AADACL2: variants seen among roughly 807,000 people sequenced by gnomAD.
AADACL2 encodes the protein arylacetamide deacetylase-like 2.
Under a neutral mutation model 22.3 loss-of-function variants are expected in AADACL2, and 23 were observed. That is an observed-to-expected ratio of 1.03 (90% CI 0.74 to 1.46). AADACL2 has a LOEUF of 1.46. AADACL2 is among the 40% of genes most tolerant of loss of function. AADACL2 has a pLI of 0.00. For synonymous variants in AADACL2, 177 were observed against 166.2 expected (o/e 1.07, Z -0.50); for missense variants, 472 against 482.9 (o/e 0.98, Z 0.21).
At chr3:151,740,591 A>G in intron 1 of AADACL2, 55 bp from the exon 2 acceptor site, 1 of 1,136,670 alleles carries the variant, frequency 8.8e-7, no homozygotes, top group Non-Finnish European at 1.2e-6. Context: ...TTTTAAATAT[A>G]TTTGGTGTTA....
At chr3:151,751,440 C>T (rs570510338) in intron 4 of AADACL2, 4 of 152,244 alleles carry the variant, frequency 2.6e-5, no homozygotes, top group African/African-American at 9.6e-5. Context: ...TGTATTGGCT[C>T]ACCTCTGTAG....
In AADACL2 at chr3:151,734,015, G is replaced by A. The variant is rs377647189; in HGVS notation, c.-21G>A. ...AAAATTTTAATCTCAGTACTGTGAA[G>A]AAGCTGGAAAAAGGGATATTATGGG... is the stretch of plus-strand genomic sequence containing the variant. On this transcript the variant is annotated 5_prime_UTR_variant, in exon 1 of 5. Transcript: ENST00000356517. 1 of 1,588,846 alleles carries A rather than the reference G, an allele frequency of 6.3e-7. No homozygotes were observed. The highest frequency in any genetic ancestry group is 1.3e-5 in the African/African-American group (1 of 74,114).
intron 4 of AADACL2, among the ~76,000 whole-genome samples, chr3:151,755,854 C>T (rs1363549295): frequency 9.2e-5 from 14 of 152,026 alleles, no homozygotes; most frequent in Admixed American, 2.6e-4. Flanking sequence ...CTATTGATAG[C>T]AATCTTTGAT....
chr3:151,740,713 AT>A lies in AADACL2; in HGVS notation c.208del (p.Tyr70IlefsTer12). ...EEFISMIFRLDYTQPLSDEYI... is the reference protein window; with the variant it reads ...EEFISMIFRLXYTQPLSDEYI... ...TTTATATCCATGATATTCAGGCTGG[AT>A]TATACCCAACCACTTTCAGATGAAT... On this transcript the variant is annotated frameshift_variant, in exon 2 of 5. Transcript: ENST00000356517. LOFTEE classifies it high-confidence loss of function. 6.2e-7 allele frequency: 1 copy of A among 1,613,868 alleles called. No homozygotes were observed. The highest frequency in any genetic ancestry group is 8.5e-7 in the Non-Finnish European group (1 of 1,179,878).
chr3:151,754,437 C>T (rs1713800098), intron 4 of AADACL2, among the ~76,000 whole-genome samples: 1 of 152,038 alleles, frequency 6.6e-6, no homozygotes, highest in Non-Finnish European at 1.5e-5. Flanking sequence ...GAGATTCAAA[C>T]TGGGGGACTT....
intron 3 of AADACL2, among the ~76,000 whole-genome samples, chr3:151,745,156 C>T (rs867838064): frequency 2.8e-4 from 42 of 151,976 alleles, no homozygotes; most frequent in African/African-American, 9.6e-4. Flanking sequence ...TTTAAACAAG[C>T]ATTTTTAAAA....
At chr3:151,736,502 G>T (rs551276675) in intron 1 of AADACL2, among the ~76,000 whole-genome samples, 1 of 152,176 alleles carries the variant, frequency 6.6e-6, no homozygotes, top group African/African-American at 2.4e-5. Context: ...AGGCCCTGGT[G>T]CATGATGTTC....
At chr3:151,754,118 T>TC (rs1417270447) in intron 4 of AADACL2, among the ~76,000 whole-genome samples, 1 of 152,086 alleles carries the variant, frequency 6.6e-6, no homozygotes, top group African/African-American at 2.4e-5. Context: ...TCATGGATCA[T>TC]CCCTTCTCTG....
intron 4 of AADACL2, among the ~76,000 whole-genome samples, chr3:151,752,696 A>G (rs1576616973): frequency 1.3e-5 from 2 of 152,210 alleles, no homozygotes; most frequent in African/African-American, 4.8e-5. Context: ...TTTTACTTTC[A>G]TAAAACAATG....
At position 151,758,067 on chromosome 3, in the gene AADACL2, TA is replaced by T. The variant is rs1361631691; in HGVS notation, c.*476del. On this transcript the variant is annotated 3_prime_UTR_variant, in exon 5 of 5. Transcript: ENST00000356517. ...CAAATTACTACAAATTCAGTCGCTT[TA>T]AACAACAGATATTTATTCTTTTACA... 5 of 154,022 alleles carry T rather than the reference TA, an allele frequency of 3.2e-5. No individual in the cohort carries two copies. Among genetic ancestry groups the T allele is most frequent in the African/African-American group, 1.2e-4 (5 of 41,584 alleles). The allele number at this position is 154,022 out of a possible 1,614,324, so 9.5% of individuals were successfully genotyped here. A position where few individuals can be genotyped will look rare whatever the true frequency, so the allele number is the denominator to read the frequency against.
chr3:151,747,765 A>G (rs4440098), intron 4 of AADACL2, among the ~76,000 whole-genome samples: 104,736 of 151,864 alleles, frequency 0.69, 36,581 homozygotes, highest in African/African-American at 0.8. Context: ...ATCTCTTCAC[A>G]TTACTGACTT....
At chr3:151,735,276 A>T (rs188555558) in intron 1 of AADACL2, among the ~76,000 whole-genome samples, 1 of 152,326 alleles carries the variant, frequency 6.6e-6, no homozygotes, top group Admixed American at 6.5e-5. Context: ...AACTTGTTTA[A>T]ACCCTACTAC....
chr3:151,761,107 TTTTATATATGGTGAGATATATA>T lies in AADACL2; in HGVS notation c.*3537_*3558del, dbSNP rs1378124312. Reference sequence around the variant, plus strand: ...TATATGGTGAGATATATATATATTTTTTTATATATGGTGAGATATATATTTATATATGGTGAGATATATATAT... The same window carrying T: ...TATATGGTGAGATATATATATATTTTTTTATATATGGTGAGATATATATAT... On this transcript the variant is annotated 3_prime_UTR_variant, in exon 5 of 5. Transcript: ENST00000356517. 8 of 147,362 alleles carry T rather than the reference TTTTATATATGGTGAGATATATA, an allele frequency of 5.4e-5. No individual in the cohort carries two copies. The highest frequency in any genetic ancestry group is 1.5e-4 in the African/African-American group (6 of 40,096). 9.1% of individuals were successfully genotyped at this position (147,362 alleles called of 1,614,324 possible).
rs1468126685 is a variant in AADACL2 at position 151,761,145 on chromosome 3, ATATATATATATATGGT to A, written c.*3552_*3567del. 2.1e-5 allele frequency: 2 copies of A among 93,032 alleles called. No individual in the cohort carries two copies. The highest frequency in any genetic ancestry group is 4.9e-5 in the African/African-American group (1 of 20,264). The allele number at this position is 93,032 out of a possible 1,614,324, so 5.8% of individuals were successfully genotyped here. A position where few individuals can be genotyped will look rare whatever the true frequency, so the allele number is the denominator to read the frequency against. ...GAGATATATATTTATATATGGTGAG[ATATATATATATATGGT>A]GAGATATATATTTATATATATGGTG... On this transcript the variant is annotated 3_prime_UTR_variant, in exon 5 of 5. Transcript: ENST00000356517.
intron 4 of AADACL2, among the ~76,000 whole-genome samples, chr3:151,749,766 C>A (rs1258938982): frequency 6.6e-6 from 1 of 152,086 alleles, no homozygotes; most frequent in Non-Finnish European, 1.5e-5. Context: ...CAGGCGTGAG[C>A]CACTGCACCC....
chr3:151,756,215 T>G (rs546608086), intron 4 of AADACL2, among the ~76,000 whole-genome samples: 1 of 152,160 alleles, frequency 6.6e-6, no homozygotes, highest in South Asian at 2.1e-4. Context: ...CGTTATCTCC[T>G]GCAGTCTGCA....
intron 1 of AADACL2, among the ~76,000 whole-genome samples, chr3:151,738,826 C>T (rs1247643627): frequency 6.6e-6 from 1 of 152,190 alleles, no homozygotes; most frequent in Non-Finnish European, 1.5e-5. Context: ...AGTTCTTGTG[C>T]TGTGTTTTTC....
Position 151,744,136 on chromosome 3 carries a change from G to A in AADACL2, c.405G>A (p.Thr135=), listed in dbSNP as rs539885775. Residue 135 remains threonine, a synonymous_variant, in exon 3 of 5, where the codon ACG becomes ACA. Transcript: ENST00000356517. ...FDFLNRWTAN[T]LDAVVVGVDY... ...TCCTGAATAGATGGACGGCAAACACGCTTGATGCTGTTGTTGTAGGCGTGG... is the reference window on the plus strand; with the variant it reads ...TCCTGAATAGATGGACGGCAAACACACTTGATGCTGTTGTTGTAGGCGTGG... 14 of 1,613,652 alleles carry A rather than the reference G, an allele frequency of 8.7e-6. No homozygotes were observed. The highest frequency in any genetic ancestry group is 4.5e-5 in the East Asian group (2 of 44,866).
At chr3:151,739,548 A>T (rs1476675067) in intron 1 of AADACL2, among the ~76,000 whole-genome samples, 1 of 152,164 alleles carries the variant, frequency 6.6e-6, no homozygotes, top group Non-Finnish European at 1.5e-5. Context: ...TCTCCTTCTC[A>T]GGATCAGCTG....
Sources: allele counts gnomAD v4.1 joint callset (sites outside exome capture counted in the v4.1 genomes callset), GRCh38; gene constraint gnomAD v4.1.1; transcripts MANE v1.5; gene names NCBI Gene and HGNC (gene_info 2026-07-23, HGNC 2026-07-21).